The following PLXNB3 variants were observed in gnomAD, a reference collection of about 807,000 sequenced individuals.
The protein encoded by PLXNB3 is plexin-B3.
Under a neutral mutation model 125.7 loss-of-function variants are expected in PLXNB3, and 80 were observed. That is an observed-to-expected ratio of 0.64 (90% CI 0.53 to 0.77). The LOEUF (loss-of-function observed/expected upper bound fraction) is 0.77, where lower values mean the gene tolerates loss of function less well. Among genes scored for constraint, PLXNB3 ranks in the 30% least tolerant of loss-of-function variants. The probability of loss-of-function intolerance (pLI) is 0.00; values close to 1 mark genes in which losing one functional copy is unlikely to be tolerated. For synonymous variants in PLXNB3, 954 were observed against 783.3 expected (o/e 1.22, Z -3.64); for missense variants, 1,836 against 1,729.3 (o/e 1.06, Z -1.09).
At chrX:153,777,099 T>C in intron 29 of PLXNB3, 109 bp from the exon 30 acceptor site, 2 of 1,021,853 alleles carry the variant, frequency 2.0e-6, no homozygotes, top group Admixed American at 2.9e-5. Context: ...GCCCATCTCC[T>C]TCCTTTCTTC....
At position 153,771,293 on chromosome X, in the gene PLXNB3, C is replaced by G. The variant is rs1005552400; in HGVS notation, c.2254-17C>G. On this transcript the variant is annotated splice_polypyrimidine_tract_variant and intron_variant, in intron 12 of 35. Transcript: ENST00000361971. ...CCCTGAGTGGGCACCCAGCCTGACC[C>G]CACACTCTGCCCACAGTTTTATCCC... 1 of 1,187,119 alleles carries G rather than the reference C, an allele frequency of 8.4e-7. No homozygotes were observed. The highest frequency in any genetic ancestry group is 1.1e-6 in the Non-Finnish European group (1 of 873,467).
Position 153,769,670 on chromosome X carries a change from G to A in PLXNB3, c.1497-137G>A, listed in dbSNP as rs1405920887. The stretch of plus-strand genomic sequence containing the variant: ...CTGCCTGCTTGGCCCCTTTCTCTCT[G>A]GACACAGTCCCCTTCACGCCTCCTG... On this transcript the variant is annotated intron_variant, in intron 6 of 35. Transcript: ENST00000361971. The A allele has an allele frequency of 7.5e-6, 5 of 668,461 alleles. No individual in the cohort carries two copies. In the Admixed American group the frequency reaches 1.9e-4, roughly 25 times the overall value. The allele number at this position is 668,461 out of a possible 1,213,427, so 55.1% of individuals were successfully genotyped here. A position where few individuals can be genotyped will look rare whatever the true frequency, so the allele number is the denominator to read the frequency against.
chrX:153,771,960 A>G lies in PLXNB3; in HGVS notation c.2614A>G (p.Ser872Gly). 1 of 1,207,915 alleles carries G rather than the reference A, an allele frequency of 8.3e-7. No individual in the cohort carries two copies. The highest frequency in any genetic ancestry group is 1.1e-6 in the Non-Finnish European group (1 of 894,215). Residue 872 changes from serine (S) to glycine (G), a missense_variant, in exon 15 of 36, where the codon AGC becomes GGC. By Grantham distance (56) the Ser-to-Gly change is moderately conservative. Transcript: ENST00000361971. ...RAFADVQYAV[S>G]VASRPCNPEP... The stretch of plus-strand genomic sequence containing the variant: ...CTTCGCCGATGTGCAGTACGCCGTG[A>G]GCGTGGCCAGCCGGCCCTGCAACCC...
intron 29 of PLXNB3, 47 bp from the exon 30 acceptor site, chrX:153,777,161 C>T (rs1481254902): frequency 3.6e-6 from 4 of 1,108,793 alleles, no homozygotes; most frequent in Non-Finnish European, 3.6e-6. Context: ...GCATCCCAGG[C>T]CAGGGGCAGG....
chrX:153,766,025 T>C (rs2091853360), intron 2 of PLXNB3: 1 of 1,030,543 alleles, frequency 9.7e-7, no homozygotes, highest in South Asian at 3.1e-5. Context: ...GCTCTTCTCC[T>C]GGGACACTCC....
intron 28 of PLXNB3, 122 bp from the exon 29 acceptor site, chrX:153,776,765 C>G: frequency 3.3e-6 from 1 of 299,862 alleles, no homozygotes; most frequent in Non-Finnish European, 5.2e-6. Context: ...TGGGGTGGGG[C>G]AGGGTGAGGC....
rs2092024130 is a variant in PLXNB3, at chrX:153,778,763, G to T, written c.5625+89G>T. Reference sequence around the variant, plus strand: ...GGGAGCAGGGGTGCCAGCCCATGCTGGCGGGGCCCAGGCTGGGGAAGGGAC... The same window carrying T: ...GGGAGCAGGGGTGCCAGCCCATGCTTGCGGGGCCCAGGCTGGGGAAGGGAC... On this transcript the variant is annotated intron_variant, in intron 35 of 35. Coordinates refer to ENST00000361971, the MANE Select transcript of PLXNB3 (RefSeq NM_005393.3). 14 of 1,125,018 alleles carry T rather than the reference G, an allele frequency of 1.2e-5. No homozygotes were observed. The South Asian group carries it at 2.9e-4, about 23-fold the overall frequency. The allele number at this position is 1,125,018 out of a possible 1,213,427, so 92.7% of individuals were successfully genotyped here.
rs782670704 is a variant in PLXNB3 at position 153,768,936 on chromosome X, C to G, written c.1267-12C>G. The G allele has an allele frequency of 1.7e-6, 2 of 1,207,996 alleles. No individual in the cohort carries two copies. The highest frequency in any genetic ancestry group is 1.8e-5 in the South Asian group (1 of 56,243). ...CCATCTGGCCCAGCCTCGTCCTTGT[C>G]CCCCCACTCAGGTCTTTCTCCACGG... On this transcript the variant is annotated splice_polypyrimidine_tract_variant and intron_variant, in intron 4 of 35. Coordinates refer to ENST00000361971, the MANE Select transcript of PLXNB3 (RefSeq NM_005393.3).
chrX:153,773,402 C>T lies in PLXNB3; in HGVS notation c.3079C>T (p.Arg1027Trp), dbSNP rs782318928. The T allele has an allele frequency of 1.0e-5, 12 of 1,200,195 alleles. No homozygotes were observed. Among genetic ancestry groups the T allele is most frequent in the Admixed American group, 2.2e-5 (1 of 45,314 alleles). ...LVAAEPSASF[R>W]GGGRLIRVRG... ...AGCGGCGGAGCCCAGTGCCAGCTTC[C>T]GGGGGTGAGGGTCAGCCCGCAGGCC... The change falls in exon 18 of 36, where the codon CGG (arginine) becomes TGG (tryptophan). Residue 1027 changes from arginine (R) to tryptophan (W), a missense_variant. Coordinates refer to ENST00000361971, the MANE Select transcript of PLXNB3 (RefSeq NM_005393.3).
chrX:153,773,725 A>G lies in PLXNB3; in HGVS notation c.3279+12A>G. On this transcript the variant is annotated intron_variant, in intron 19 of 35. Transcript: ENST00000361971. ...GGGGGCTGCTGCAGGTGAGCCCCTC[A>G]CCAGCAGGCGACAAGGCTGTCCCCG... 1 of 1,166,888 alleles carries G rather than the reference A, an allele frequency of 8.6e-7. No individual in the cohort carries two copies. Among genetic ancestry groups the G allele is most frequent in the Non-Finnish European group, 1.1e-6 (1 of 874,381 alleles).
chrX:153,771,892 G>A lies in PLXNB3; in HGVS notation c.2546G>A (p.Gly849Glu). 1 of 1,209,091 alleles carries A rather than the reference G, an allele frequency of 8.3e-7. No individual in the cohort carries two copies. ...GAGCCCCTGACCGGTCCCCCTGAGG[G>A]AGGCTTGGCCCTCACCATCCTGGGC... Reference protein sequence around the residue: ...AVEPLTGPPEGGLALTILGSN... With the variant: ...AVEPLTGPPEEGLALTILGSN... Residue 849 changes from glycine to glutamate, a missense_variant, in exon 15 of 36, where the codon GGA (glycine) becomes GAA (glutamate). Coordinates refer to ENST00000361971, the MANE Select transcript of PLXNB3 (RefSeq NM_005393.3).
In PLXNB3 at chrX:153,773,952, A is replaced by G. The variant is rs1603247794; in HGVS notation, c.3373A>G (p.Thr1125Ala). Residue 1125 changes from threonine (T) to alanine (A), a missense_variant, in exon 20 of 36, where the codon ACC becomes GCC. Thr to Ala is a moderately conservative substitution (Grantham distance 58). Coordinates refer to ENST00000361971, the MANE Select transcript of PLXNB3 (RefSeq NM_005393.3). ...DRAHPQRVFFTLDNVQVDFAS... is the reference protein window; with the variant it reads ...DRAHPQRVFFALDNVQVDFAS... ...AGCCCACCCGCAGCGGGTCTTCTTC[A>G]CCCTAGACAACGTGCAAGTGGACTT... 5.8e-6 allele frequency: 7 copies of G among 1,209,144 alleles called. No individual in the cohort carries two copies. The East Asian group carries it at 2.1e-4, about 36-fold the overall frequency.
At chrX:153,776,731 A>G (rs1243184703) in intron 28 of PLXNB3, among the ~76,000 whole-genome samples, 156 bp from the exon 29 acceptor site, 1 of 39,147 alleles carries the variant, frequency 2.6e-5, no homozygotes, top group Non-Finnish European at 4.3e-5. Flanking sequence ...GGGCGGGGCG[A>G]GGCAAGGCAG....
In PLXNB3 at chrX:153,765,516, G is replaced by A. The variant is rs781889317; in HGVS notation, c.-20G>A. 4 of 1,187,191 alleles carry A rather than the reference G, an allele frequency of 3.4e-6. No individual in the cohort carries two copies. Among genetic ancestry groups the A allele is most frequent in the South Asian group, 3.7e-5 (2 of 53,911 alleles). On this transcript the variant is annotated 5_prime_UTR_variant, in exon 2 of 36. Coordinates refer to ENST00000361971, the MANE Select transcript of PLXNB3 (RefSeq NM_005393.3). ...ATCTCATGCCCATCGCCACTGCCCT[G>A]GGGCAGCTGAACTGAGCGTATGTGC...
chrX:153,774,142 G>T, intron 20 of PLXNB3, 44 bp downstream of exon 20: 1 of 1,200,042 alleles, frequency 8.3e-7, no homozygotes, highest in Non-Finnish European at 1.1e-6. Flanking sequence ...TGCTCAGGCC[G>T]CCTCTGTGGG....
At position 153,765,530 on chromosome X, in the gene PLXNB3, G is replaced by A; in HGVS notation, c.-6G>A. ...GCCACTGCCCTGGGGCAGCTGAACT[G>A]AGCGTATGTGCCACGCCGCCCAGGA... is the stretch of plus-strand genomic sequence containing the variant. On this transcript the variant is annotated 5_prime_UTR_variant, in exon 2 of 36. The change abolishes the stop of an existing upstream ORF in the 5' untranslated region. Coordinates refer to ENST00000361971, the MANE Select transcript of PLXNB3 (RefSeq NM_005393.3). The A allele has an allele frequency of 8.4e-7, 1 of 1,193,196 alleles. No individual in the cohort carries two copies. Among genetic ancestry groups the A allele is most frequent in the East Asian group, 3.0e-5 (1 of 33,005 alleles).
chrX:153,771,604 G>T lies in PLXNB3; in HGVS notation c.2466G>T (p.Leu822Phe). Residue 822 changes from leucine to phenylalanine, a missense_variant, in exon 14 of 36, where the codon TTG (leucine) becomes TTT (phenylalanine). Leu to Phe is a conservative substitution (Grantham distance 22). Transcript: ENST00000361971. Reference protein sequence around the residue: ...DGQPACRYGPLCPPGAVELLC... With the variant: ...DGQPACRYGPFCPPGAVELLC... The stretch of plus-strand genomic sequence containing the variant: ...AGCCTGCCTGTCGCTATGGGCCCTT[G>T]TGCCCGCCGGGGGCTGTGGAGCTGC... 8.3e-7 allele frequency: 1 copy of T among 1,205,661 alleles called. No individual in the cohort carries two copies. Among genetic ancestry groups the T allele is most frequent in the East Asian group, 3.0e-5 (1 of 33,794 alleles).
At chrX:153,765,919 C>A in intron 2 of PLXNB3, 1 of 754,528 alleles carries the variant, frequency 1.3e-6, no homozygotes, top group Non-Finnish European at 1.6e-6. Flanking sequence ...GGGGGCTCAC[C>A]CCGGGGTCCC....
chrX:153,771,522 G>T lies in PLXNB3; in HGVS notation c.2384G>T (p.Cys795Phe). 8.3e-7 allele frequency: 1 copy of T among 1,206,302 alleles called. No individual in the cohort carries two copies. Among genetic ancestry groups the T allele is most frequent in the Non-Finnish European group, 1.1e-6 (1 of 892,603 alleles). The part of the protein sequence containing the change: ...LYDCAMGHPD[C>F]SHCQAANRSL... ...GACTGCGCCATGGGCCACCCGGACT[G>T]CAGCCACTGCCAAGCGGCCAACAGG... is the stretch of plus-strand genomic sequence containing the variant. Residue 795 changes from cysteine (C) to phenylalanine (F), a missense_variant, in exon 14 of 36, where the codon TGC becomes TTC. By Grantham distance (205) the Cys-to-Phe change is radical. Coordinates refer to ENST00000361971, the MANE Select transcript of PLXNB3 (RefSeq NM_005393.3).
Sources: gnomAD v4.1 joint callset for allele counts (sites outside exome capture counted in the v4.1 genomes callset) on GRCh38, gnomAD v4.1.1 for gene constraint, MANE v1.5 for transcripts, NCBI Gene and HGNC (gene_info 2026-07-23, HGNC 2026-07-21) for gene names.